Variants in MAP4 observed in about 807,000 individuals in gnomAD.
The protein encoded by MAP4 is microtubule-associated protein 4.
In MAP4, 76 loss-of-function variants were observed where a neutral mutation model predicts 170.2. That is an observed-to-expected ratio of 0.45 (90% CI 0.37 to 0.54). The LOEUF is 0.54. Among genes scored for constraint, MAP4 ranks in the 20% least tolerant of loss-of-function variants. The pLI is 0.00. For missense variants in MAP4, 2,506 were observed against 2,748.0 expected, an observed-to-expected ratio of 0.91 and a Z score of 1.97; for synonymous variants, 909 against 994.5, an observed-to-expected ratio of 0.91 and a Z score of 1.62.
intron 6 of MAP4, among the ~76,000 whole-genome samples, chr3:47,918,140 G>A (rs2100040766): frequency 6.6e-6 from 1 of 151,916 alleles, no homozygotes; most frequent in Non-Finnish European, 1.5e-5. Context: ...CTGCCACCAC[G>A]CCCAGCTAAT....
At chr3:48,012,477 C>T (rs1335314998) in intron 1 of MAP4, among the ~76,000 whole-genome samples, 1 of 152,120 alleles carries the variant, frequency 6.6e-6, no homozygotes, top group Non-Finnish European at 1.5e-5. Context: ...TTAATTTTCC[C>T]CAGAAATACA....
At chr3:48,035,769 G>A (rs1444252620) in intron 1 of MAP4, among the ~76,000 whole-genome samples, 11 of 151,888 alleles carry the variant, frequency 7.2e-5, no homozygotes, top group East Asian at 3.9e-4. Context: ...ATGAAACCCC[G>A]CCTCTACTAA....
At chr3:47,995,176 A>G (rs1187667574) in intron 2 of MAP4, among the ~76,000 whole-genome samples, 1 of 152,136 alleles carries the variant, frequency 6.6e-6, no homozygotes, top group Non-Finnish European at 1.5e-5. Context: ...TAAAATATGA[A>G]CTTTACTTCT....
At chr3:47,925,638 T>C (rs1286018180) in intron 4 of MAP4, among the ~76,000 whole-genome samples, 1 of 152,172 alleles carries the variant, frequency 6.6e-6, no homozygotes, top group African/African-American at 2.4e-5. Flanking sequence ...GAAACCACTT[T>C]ATATGATTCC....
In MAP4 at chr3:47,909,913, G is replaced by C; in HGVS notation, c.4508C>G (p.Thr1503Arg). Residue 1503 changes from threonine to arginine, a missense_variant, in exon 9 of 21, where the codon ACA becomes AGA. Coordinates refer to ENST00000683076, the MANE Select transcript of MAP4 (RefSeq NM_001385682.1). ...AGGTAGAGCAACTCCTCCTGTGCTT[G>C]TAGAGGGCACAACAGCAGAGGGACC... ...PKGPSAVVPS[T>R]STGGVALPIT... 6.2e-7 allele frequency: 1 copy of C among 1,614,026 alleles called. No homozygotes were observed. Among genetic ancestry groups the C allele is most frequent in the Non-Finnish European group, 8.5e-7 (1 of 1,179,866 alleles).
At chr3:48,035,673 C>T (rs1376955369) in intron 1 of MAP4, among the ~76,000 whole-genome samples, 1 of 152,048 alleles carries the variant, frequency 6.6e-6, no homozygotes, top group African/African-American at 2.4e-5. Context: ...GGCATTGTGG[C>T]TCACACTTGT....
At chr3:47,954,241 A>C (rs1320595897) in intron 3 of MAP4, among the ~76,000 whole-genome samples, 1 of 152,128 alleles carries the variant, frequency 6.6e-6, no homozygotes, top group Non-Finnish European at 1.5e-5. Context: ...GGGAAATGCC[A>C]CCACTAAGTG....
intron 1 of MAP4, among the ~76,000 whole-genome samples, chr3:48,063,945 G>C (rs1263389081): frequency 6.6e-6 from 1 of 152,104 alleles, no homozygotes; most frequent in African/African-American, 2.4e-5. Context: ...AATTATAACT[G>C]AGACAATTAT....
At chr3:47,903,440 G>T (rs1056634782) in intron 9 of MAP4, among the ~76,000 whole-genome samples, 5 of 152,064 alleles carry the variant, frequency 3.3e-5, no homozygotes, top group African/African-American at 1.2e-4. Context: ...GGCTGAGGCA[G>T]GAGAACGGCG....
intron 3 of MAP4, among the ~76,000 whole-genome samples, chr3:47,969,109 C>A (rs988455551): frequency 3.3e-5 from 5 of 152,128 alleles, no homozygotes; most frequent in Non-Finnish European, 7.4e-5. Context: ...AACAATGCAG[C>A]TCAAGAATTA....
At chr3:47,943,186 C>T (rs1198993981) in intron 3 of MAP4, among the ~76,000 whole-genome samples, 4 of 152,126 alleles carry the variant, frequency 2.6e-5, no homozygotes, top group Non-Finnish European at 5.9e-5. Flanking sequence ...AGAAAGCCTA[C>T]TCCTTTCTCA....
rs1577504194 is a variant in MAP4, at chr3:47,914,859, G to A, written c.1957C>T (p.Pro653Ser). The A allele has an allele frequency of 6.2e-7, 1 of 1,614,088 alleles. No individual in the cohort carries two copies. The highest frequency in any genetic ancestry group is 1.1e-5 in the South Asian group (1 of 91,088). The change falls in exon 8 of 21, where the codon CCA becomes TCA. Residue 653 changes from proline to serine, a missense_variant. Around this residue, in one of 3 missense-constraint regions of MAP4, gnomAD observed 2,008 missense variants for 2,206.0 expected, o/e 0.91. Transcript: ENST00000683076. ...SVLEKLGERK[P>S]CNSQPSELSS... ...AGCTCAGAAGGTTGACTGTTGCATGGTTTCCTTTCCCCTAGTTTTTCTAAC... is the reference window on the plus strand; with the variant it reads ...AGCTCAGAAGGTTGACTGTTGCATGATTTCCTTTCCCCTAGTTTTTCTAAC...
At chr3:47,987,518 T>C in intron 2 of MAP4, 1 of 899,540 alleles carries the variant, frequency 1.1e-6, no homozygotes, top group Non-Finnish European at 1.6e-6. Flanking sequence ...GAACAACAAC[T>C]CTAGCAAAAG....
intron 3 of MAP4, among the ~76,000 whole-genome samples, chr3:47,943,487 CTG>C (rs2100057775): frequency 6.6e-6 from 1 of 151,998 alleles, no homozygotes; most frequent in Non-Finnish European, 1.5e-5. Context: ...TGGTGCATGT[CTG>C]TAATCACAGC....
intron 1 of MAP4, among the ~76,000 whole-genome samples, chr3:48,049,235 C>T (rs934813986): frequency 2.6e-5 from 4 of 152,148 alleles, no homozygotes; most frequent in Admixed American, 6.5e-5. Flanking sequence ...TGAACAGTTA[C>T]GTACAAGTTT....
At position 47,911,474 on chromosome 3, in the gene MAP4, C is replaced by T. The variant is rs995841112; in HGVS notation, c.2947G>A (p.Glu983Lys). 19 of 1,535,894 alleles carry T rather than the reference C, an allele frequency of 1.2e-5. No individual in the cohort carries two copies. In the Admixed American group the frequency reaches 3.5e-4, roughly 29 times the overall value. The change falls in exon 9 of 21, where the codon GAA (glutamate) becomes AAA (lysine). Residue 983 changes from glutamate (E) to lysine (K), a missense_variant. Glu to Lys is a moderately conservative substitution (Grantham distance 56). Coordinates refer to ENST00000683076, the MANE Select transcript of MAP4 (RefSeq NM_001385682.1). This position sits in a 1 kb window ranked among gnomAD's most constrained non-coding sequence, Gnocchi z 4.0. Reference sequence around the variant, plus strand: ...TTATTCCCTTCTTTTAGATTACATTCTAATGGATTACTTGCTATCAAAGTG... The same window carrying T: ...TTATTCCCTTCTTTTAGATTACATTTTAATGGATTACTTGCTATCAAAGTG... The part of the protein sequence containing the change: ...VPTLIASNPL[E>K]CNLKEGNNES...
At chr3:47,990,675 A>G (rs1444813013) in intron 2 of MAP4, among the ~76,000 whole-genome samples, 1 of 152,226 alleles carries the variant, frequency 6.6e-6, no homozygotes, top group East Asian at 1.9e-4. Flanking sequence ...ATCATCTGAA[A>G]GAACAAGAGT....
intron 3 of MAP4, among the ~76,000 whole-genome samples, chr3:47,940,388 A>C (rs907089208): frequency 6.6e-6 from 1 of 152,210 alleles, no homozygotes; most frequent in African/African-American, 2.4e-5. Context: ...CTTCAGAATA[A>C]ATTTTTTAGC....
intron 10 of MAP4, among the ~76,000 whole-genome samples, chr3:47,897,581 T>C (rs2153224618): frequency 6.6e-6 from 1 of 152,214 alleles, no homozygotes; most frequent in South Asian, 2.1e-4. Context: ...AAACGCGTGT[T>C]TGAAGTAAGG....
Sources: gnomAD v4.1 joint callset for allele counts (sites outside exome capture counted in the v4.1 genomes callset) on GRCh38, gnomAD v4.1.1 for gene constraint, gnomAD v4.1.1 regional missense constraint, Gnocchi (gnomAD v3.1) non-coding constraint, MANE v1.5 for transcripts, NCBI Gene and HGNC (gene_info 2026-07-23, HGNC 2026-07-21) for gene names.